Variants in COLQ observed in about 807,000 individuals in gnomAD.
The protein encoded by COLQ is acetylcholinesterase collagenic tail peptide.
In COLQ, 48 loss-of-function variants were observed where a neutral mutation model predicts 69.0. The observed-to-expected ratio is 0.70, with a 90% confidence interval of 0.55 to 0.88. COLQ has a LOEUF of 0.88. Ranked by LOEUF, COLQ falls within the 40% of genes least tolerant of loss-of-function variation. The pLI, the probability that COLQ is intolerant of heterozygous loss-of-function variation, is 0.00. For missense variants in COLQ, 618 were observed against 594.6 expected (o/e 1.04, Z -0.41); for synonymous variants, 217 against 211.2 (o/e 1.03, Z -0.24).
chr3:15,497,036 CT>C lies in COLQ; in HGVS notation c.107-7400del, dbSNP rs371974104. 6.0e-3 allele frequency among the ~76,000 whole-genome samples: 646 copies of C among 107,520 alleles called. 2 individuals carry two copies. Among genetic ancestry groups the C allele is most frequent in the African/African-American group, 8.2e-3 (223 of 27,054 alleles). The allele number at this position is 107,520 out of a possible 152,430, so 70.5% of individuals were successfully genotyped here. The stretch of plus-strand genomic sequence containing the variant: ...CAAATCATCTCCAAAGTCCTTTTGC[CT>C]TTTTTTTTTTTTTTTTTTTTTTTTG... On this transcript the variant is annotated intron_variant, in intron 1 of 16. Transcript: ENST00000383788.
At position 15,488,238 on chromosome 3, in the gene COLQ, A is replaced by T. The variant is rs1053974782; in HGVS notation, c.289T>A (p.Ser97Thr). The change falls in exon 3 of 17, where the codon TCG becomes ACG. Residue 97 changes from serine (S) to threonine (T), a missense_variant. Transcript: ENST00000383788. ...ETSQSPCMQG[S>T]LGSPGPPGPQ... is the part of the protein sequence containing the mutation. The stretch of plus-strand genomic sequence containing the variant: ...CCGGGAGGCCCAGGGGAGCCTAGCG[A>T]GCCTTGCATGCACGGGGACTGCGAG... 11 of 1,613,222 alleles carry T rather than the reference A, an allele frequency of 6.8e-6. No homozygotes were observed. The highest frequency in any genetic ancestry group is 9.3e-6 in the Non-Finnish European group (11 of 1,180,022).
chr3:15,485,773 T>C (rs752559429), intron 3 of COLQ, among the ~76,000 whole-genome samples: 4 of 152,160 alleles, frequency 2.6e-5, no homozygotes, highest in Admixed American at 6.5e-5. Context: ...ACCTGGTCAA[T>C]GTGTTGAGAC....
chr3:15,481,379 A>G (rs1223144128), intron 3 of COLQ, among the ~76,000 whole-genome samples: 2 of 151,970 alleles, frequency 1.3e-5, no homozygotes, highest in Admixed American at 1.3e-4. Context: ...TTAATAAGGT[A>G]TTAATCTTGT....
intron 1 of COLQ, among the ~76,000 whole-genome samples, chr3:15,495,624 TTGG>T (rs2062735577): frequency 6.6e-6 from 1 of 152,218 alleles, no homozygotes; most frequent in Admixed American, 6.5e-5. Context: ...CTGTCTGAAG[TTGG>T]TGTTCTGTGA....
Position 15,473,907 on chromosome 3 carries a change from C to A in COLQ, c.636+93G>T, listed in dbSNP as rs2062332187. ...TCCATGGTTAAACCCACCATCCCTG[C>A]CTGATAGACAAGGAGGCAGAGTTCT... On this transcript the variant is annotated intron_variant, in intron 10 of 16. Transcript: ENST00000383788. This position sits in a 1 kb window ranked among gnomAD's most constrained non-coding sequence, Gnocchi z 4.0. 4 of 1,377,540 alleles carry A rather than the reference C, an allele frequency of 2.9e-6. No homozygotes were observed. The East Asian group carries it at 7.0e-5, about 24-fold the overall frequency. 85.3% of individuals were successfully genotyped at this position (1,377,540 alleles called of 1,614,324 possible). A position where few individuals can be genotyped will look rare whatever the true frequency, so the allele number is the denominator to read the frequency against.
rs2062056000 is a variant in COLQ, at chr3:15,458,333, G to A, written c.815-8C>T. 6.2e-7 allele frequency: 1 copy of A among 1,613,906 alleles called. No homozygotes were observed. The highest frequency in any genetic ancestry group is 1.3e-5 in the African/African-American group (1 of 74,918). On this transcript the variant is annotated splice_polypyrimidine_tract_variant and splice_region_variant and intron_variant, in intron 12 of 16. Coordinates refer to ENST00000383788, the MANE Select transcript of COLQ (RefSeq NM_005677.4). ...GTCCCATTATAAGTTGTCCTAGGAA[G>A]CAACAGACTGCTGTGTTACTAGAGC...
At chr3:15,496,269 A>G (rs79922312) in intron 1 of COLQ, 1,929 of 140,824 alleles carry the variant, frequency 0.014, 50 homozygotes, top group African/African-American at 0.049. Context: ...GGGGAAGGCC[A>G]TCTATTTCTG....
At chr3:15,500,349 T>G (rs1279918051) in intron 1 of COLQ, among the ~76,000 whole-genome samples, 1 of 152,232 alleles carries the variant, frequency 6.6e-6, no homozygotes, top group African/African-American at 2.4e-5. Flanking sequence ...ACTTTCTCTA[T>G]TCTGAGTCAT....
At chr3:15,475,994 T>C (rs2062373043) in intron 6 of COLQ, among the ~76,000 whole-genome samples, 1 of 152,242 alleles carries the variant, frequency 6.6e-6, no homozygotes, top group African/African-American at 2.4e-5. Flanking sequence ...ACATACTTAA[T>C]TTTAAACTTT....
At chr3:15,478,944 C>T in intron 5 of COLQ, 33 bp downstream of exon 5, 1 of 1,614,138 alleles carries the variant, frequency 6.2e-7, no homozygotes, top group Non-Finnish European at 8.5e-7. Context: ...CACAGACGCT[C>T]ATGTGACACT....
rs145350373 is a variant in COLQ at position 15,467,054 on chromosome 3, C to T, written c.718-617G>A. On this transcript the variant is annotated intron_variant, in intron 11 of 16. Coordinates refer to ENST00000383788, the MANE Select transcript of COLQ (RefSeq NM_005677.4). Reference sequence around the variant, plus strand: ...CCCACCATAAGCTCTCATAACTCAGCCTGTTTCCTTCATGGCATTTATCCC... The same window carrying T: ...CCCACCATAAGCTCTCATAACTCAGTCTGTTTCCTTCATGGCATTTATCCC... Among the ~76,000 whole-genome samples the T allele has an allele frequency of 4.6e-5, 7 of 152,360 alleles. No homozygotes were observed. The East Asian group carries it at 1.3e-3, about 29-fold the overall frequency.
chr3:15,453,404 T>A (rs1278996453), intron 16 of COLQ, among the ~76,000 whole-genome samples: 1 of 152,170 alleles, frequency 6.6e-6, no homozygotes, highest in Non-Finnish European at 1.5e-5. Flanking sequence ...GGCAGGGTGT[T>A]CCAGGGAAGT....
chr3:15,477,060 G>A lies in COLQ; in HGVS notation c.465+66C>T, dbSNP rs2062390784. Reference sequence around the variant, plus strand: ...TCCCTGACTATGTGCCAGGAGCCAGGAAAGCTGCCATCTTCCCCCCTCTTG... The same window carrying A: ...TCCCTGACTATGTGCCAGGAGCCAGAAAAGCTGCCATCTTCCCCCCTCTTG... On this transcript the variant is annotated intron_variant, in intron 6 of 16. Transcript: ENST00000383788. 3 of 1,444,380 alleles carry A rather than the reference G, an allele frequency of 2.1e-6. No individual in the cohort carries two copies. The Admixed American group carries it at 5.8e-5, about 28-fold the overall frequency. The allele number at this position is 1,444,380 out of a possible 1,614,324, so 89.5% of individuals were successfully genotyped here. A position where few individuals can be genotyped will look rare whatever the true frequency, so the allele number is the denominator to read the frequency against.
intron 2 of COLQ, among the ~76,000 whole-genome samples, chr3:15,488,874 C>T (rs1212338908): frequency 6.6e-6 from 1 of 152,344 alleles, no homozygotes; most frequent in Non-Finnish European, 1.5e-5. Flanking sequence ...TCAACTTGAA[C>T]TAGCCACATT....
chr3:15,464,979 G>C (rs532757265), intron 12 of COLQ, among the ~76,000 whole-genome samples: 1 of 152,238 alleles, frequency 6.6e-6, no homozygotes, highest in Admixed American at 6.5e-5. Flanking sequence ...TTCCAGACCA[G>C]CCTGAACAAA....
intron 1 of COLQ, among the ~76,000 whole-genome samples, chr3:15,500,405 A>G (rs1477920665): frequency 6.6e-6 from 1 of 152,172 alleles, no homozygotes; most frequent in Non-Finnish European, 1.5e-5. Flanking sequence ...GCAAACCTTC[A>G]GAGATGGAAG....
intron 3 of COLQ, among the ~76,000 whole-genome samples, chr3:15,481,431 T>TG (rs1444523131): frequency 1.3e-5 from 2 of 152,254 alleles, no homozygotes; most frequent in Non-Finnish European, 2.9e-5. Flanking sequence ...TTTCTACATA[T>TG]GGCTAGCCAG....
intron 1 of COLQ, chr3:15,498,504 C>G: frequency 6.4e-7 from 1 of 1,551,558 alleles, no homozygotes; most frequent in Non-Finnish European, 8.7e-7. Flanking sequence ...CACGCACACA[C>G]AACTCACCCA....
chr3:15,487,308 G>A (rs367820550), intron 3 of COLQ, among the ~76,000 whole-genome samples: 1 of 152,222 alleles, frequency 6.6e-6, no homozygotes. Context: ...GGAACCACAA[G>A]TGCAAAGGCC....
Sources: gnomAD v4.1 joint callset for allele counts (sites outside exome capture counted in the v4.1 genomes callset) on GRCh38, gnomAD v4.1.1 for gene constraint, Gnocchi (gnomAD v3.1) non-coding constraint, MANE v1.5 for transcripts, NCBI Gene and HGNC (gene_info 2026-07-23, HGNC 2026-07-21) for gene names.